DCLK1: variants seen among roughly 807,000 people sequenced by gnomAD.
DCLK1 encodes serine/threonine-protein kinase DCLK1.
In DCLK1, 16 loss-of-function variants were observed where a neutral mutation model predicts 86.2. The observed-to-expected ratio is 0.19, with a 90% CI of 0.13 to 0.28. The LOEUF (loss-of-function observed/expected upper bound fraction) is 0.28. Among genes scored for constraint, DCLK1 ranks in the 10% least tolerant of loss-of-function variants. The pLI is 1.00. For synonymous variants in DCLK1, 369 were observed against 370.5 expected (o/e 1.00, Z 0.05); for missense variants, 590 against 940.2 (o/e 0.63, Z 4.87).
At chr13:36,004,486 A>G (rs1416326439) in intron 3 of DCLK1, among the ~76,000 whole-genome samples, 2 of 152,244 alleles carry the variant, frequency 1.3e-5, no homozygotes, top group African/African-American at 4.8e-5. Flanking sequence ...AATAGAATAT[A>G]AAGTGAAAAT....
intron 4 of DCLK1, among the ~76,000 whole-genome samples, chr13:35,897,760 G>A (rs1209648471): frequency 6.6e-6 from 1 of 152,136 alleles, no homozygotes; most frequent in Non-Finnish European, 1.5e-5. Flanking sequence ...AAAAACAAAA[G>A]CAACTGAAAA....
chr13:36,088,445 C>T (rs541652506), intron 3 of DCLK1, among the ~76,000 whole-genome samples: 1 of 152,296 alleles, frequency 6.6e-6, no homozygotes, highest in Admixed American at 6.5e-5. Context: ...CTCATTCTTC[C>T]TTTATGTAAA....
chr13:36,125,472 A>C (rs986863953), intron 2 of DCLK1, among the ~76,000 whole-genome samples: 2 of 152,270 alleles, frequency 1.3e-5, no homozygotes, highest in African/African-American at 2.4e-5. Context: ...TTGAAGAGAT[A>C]AAATGGACTT....
chr13:36,001,570 C>T (rs942466001), intron 3 of DCLK1, among the ~76,000 whole-genome samples: 1 of 152,064 alleles, frequency 6.6e-6, no homozygotes, highest in African/African-American at 2.4e-5. Flanking sequence ...AACATCACAC[C>T]CCTTGTCTGC....
At chr13:35,927,473 T>A (rs1387590792) in intron 4 of DCLK1, among the ~76,000 whole-genome samples, 1 of 152,210 alleles carries the variant, frequency 6.6e-6, no homozygotes, top group Middle Eastern at 3.2e-3. Context: ...AAGTCTCTGA[T>A]AAGTTCATTG....
At chr13:36,114,422 A>G (rs1262704252) in intron 2 of DCLK1, among the ~76,000 whole-genome samples, 1 of 152,218 alleles carries the variant, frequency 6.6e-6, no homozygotes, top group Non-Finnish European at 1.5e-5. Context: ...GACTCCAGTA[A>G]CAGATGATAC....
chr13:35,978,993 C>A lies in DCLK1; in HGVS notation c.724-31536G>T, dbSNP rs147895451. Among the ~76,000 whole-genome samples, 585 of 152,280 alleles carry A rather than the reference C, an allele frequency of 3.8e-3. 7 individuals carry two copies. The highest frequency in any genetic ancestry group is 0.014 in the African/African-American group (563 of 41,564). Reference sequence around the variant, plus strand: ...CTCTACCTATATTGTCTTATCTAATCCTGAAAACACGATCTTCCTTTAATG... The same window carrying A: ...CTCTACCTATATTGTCTTATCTAATACTGAAAACACGATCTTCCTTTAATG... On this transcript the variant is annotated intron_variant, in intron 3 of 16. Coordinates refer to ENST00000360631, the MANE Select transcript of DCLK1 (RefSeq NM_001330071.2).
At chr13:36,051,840 T>C (rs962849194) in intron 3 of DCLK1, among the ~76,000 whole-genome samples, 1 of 152,144 alleles carries the variant, frequency 6.6e-6, no homozygotes, top group Non-Finnish European at 1.5e-5. Flanking sequence ...TTCAATACTT[T>C]CCTTATTATA....
chr13:35,796,196 T>C (rs1375171413), intron 15 of DCLK1, among the ~76,000 whole-genome samples: 2 of 152,172 alleles, frequency 1.3e-5, no homozygotes, highest in Non-Finnish European at 2.9e-5. Context: ...AAGTACTTCT[T>C]ACCATCTCTT....
At chr13:35,973,149 C>G (rs1336019699) in intron 3 of DCLK1, among the ~76,000 whole-genome samples, 2 of 152,054 alleles carry the variant, frequency 1.3e-5, no homozygotes, top group Non-Finnish European at 2.9e-5. Context: ...GGGAGGTGGT[C>G]CATTAGATAA....
At chr13:35,930,943 C>T (rs1432913019) in intron 4 of DCLK1, among the ~76,000 whole-genome samples, 1 of 152,188 alleles carries the variant, frequency 6.6e-6, no homozygotes, top group African/African-American at 2.4e-5. Context: ...TGGTTTGGTG[C>T]TGCCCAATTC....
At chr13:35,951,074 A>G (rs1877643115) in intron 3 of DCLK1, among the ~76,000 whole-genome samples, 1 of 151,860 alleles carries the variant, frequency 6.6e-6, no homozygotes, top group East Asian at 1.9e-4. Flanking sequence ...ATCTCTCTCC[A>G]TGGCTCAGAA....
chr13:36,080,125 G>C (rs777134382), intron 3 of DCLK1, among the ~76,000 whole-genome samples: 3 of 152,066 alleles, frequency 2.0e-5, no homozygotes, highest in African/African-American at 7.2e-5. Flanking sequence ...AAAAATGTCT[G>C]TTTCTACAGC....
chr13:35,829,657 T>C (rs1401330341), intron 8 of DCLK1, among the ~76,000 whole-genome samples: 2 of 152,212 alleles, frequency 1.3e-5, no homozygotes, highest in Non-Finnish European at 2.9e-5. Context: ...TCCAGGCTTT[T>C]TCATGGTGCC....
chr13:35,978,141 A>G (rs1382936482), intron 3 of DCLK1, among the ~76,000 whole-genome samples: 1 of 150,698 alleles, frequency 6.6e-6, no homozygotes, highest in Admixed American at 6.6e-5. Flanking sequence ...ACACTTGCAC[A>G]TTAAGAATCG....
chr13:35,842,228 CAAAAAAAAAAAAAAA>C (rs35862851), intron 6 of DCLK1, among the ~76,000 whole-genome samples: 10 of 35,116 alleles, frequency 2.8e-4, no homozygotes, highest in South Asian at 2.2e-3. Flanking sequence ...GACTCCATCT[CAAAAAAAAAAAAAAA>C]AAAAAAAAAA....
intron 4 of DCLK1, among the ~76,000 whole-genome samples, chr13:35,887,947 T>A (rs986408308): frequency 1.5e-5 from 2 of 137,886 alleles, no homozygotes; most frequent in South Asian, 4.8e-4. Flanking sequence ...CACATACATA[T>A]GCAATGAAAA....
intron 4 of DCLK1, among the ~76,000 whole-genome samples, chr13:35,932,861 T>G (rs1326729186): frequency 6.6e-6 from 1 of 152,224 alleles, no homozygotes; most frequent in Non-Finnish European, 1.5e-5. Context: ...AAACCAATCA[T>G]GCCTTCCCAA....
At chr13:36,090,926 T>G (rs113172606) in intron 3 of DCLK1, among the ~76,000 whole-genome samples, 1,803 of 152,018 alleles carry the variant, frequency 0.012, 43 homozygotes, top group African/African-American at 0.04. Context: ...TACAATCTCC[T>G]TGGGCACATA....
Sources: allele counts gnomAD v4.1 joint callset (sites outside exome capture counted in the v4.1 genomes callset), GRCh38; gene constraint gnomAD v4.1.1; transcripts MANE v1.5; gene names NCBI Gene and HGNC (gene_info 2026-07-23, HGNC 2026-07-21).